The following HPSE2 variants were observed in gnomAD, a reference collection of about 807,000 sequenced individuals.
The protein encoded by HPSE2 is heparanase 2 (inactive).
A neutral mutation model predicts 60.5 loss-of-function variants in HPSE2; 38 were observed. That is an observed-to-expected ratio of 0.63 (90% confidence interval 0.48 to 0.82). The LOEUF is 0.82. Ranked by LOEUF, HPSE2 falls within the 40% of genes least tolerant of loss-of-function variation. HPSE2 has a pLI of 0.00. For synonymous variants in HPSE2, 295 were observed against 293.2 expected, an observed-to-expected ratio of 1.01 and a Z score of -0.06; for missense variants, 713 against 740.4, an observed-to-expected ratio of 0.96 and a Z score of 0.43.
At chr10:99,253,983 GC>G in the HPSE2 span, among the ~76,000 whole-genome samples, 1 of 152,164 alleles carries the variant, frequency 6.6e-6, no homozygotes. Context: ...ATGTAAATTA[GC>G]TCAGCCACTA....
intron 2 of HPSE2, among the ~76,000 whole-genome samples, chr10:99,226,425 T>C (rs1464087014): frequency 6.6e-6 from 1 of 152,076 alleles, no homozygotes; most frequent in Non-Finnish European, 1.5e-5. Context: ...AGAATACAAG[T>C]CAGGTATCTT....
At chr10:98,893,275 C>A (rs558212033) in intron 3 of HPSE2, among the ~76,000 whole-genome samples, 48 of 152,206 alleles carry the variant, frequency 3.2e-4, no homozygotes, top group African/African-American at 1.0e-3. Flanking sequence ...CCATGTTGGT[C>A]AGGCTGGTCT....
intron 5 of HPSE2, among the ~76,000 whole-genome samples, chr10:98,699,843 C>T (rs1169012386): frequency 4.4e-5 from 5 of 113,524 alleles, no homozygotes; most frequent in African/African-American, 1.1e-4. Context: ...TCTTATACAC[C>T]AATAACAGAC....
At chr10:99,120,822 G>A (rs752497997) in intron 3 of HPSE2, among the ~76,000 whole-genome samples, 34 of 152,126 alleles carry the variant, frequency 2.2e-4, no homozygotes, top group Admixed American at 3.9e-4. Flanking sequence ...TGCTGGCAAG[G>A]ATGCAGAGAA....
intron 3 of HPSE2, among the ~76,000 whole-genome samples, chr10:98,915,439 G>A (rs541868263): frequency 2.6e-5 from 4 of 151,938 alleles, no homozygotes; most frequent in Non-Finnish European, 4.4e-5. Flanking sequence ...GAGCCACCGC[G>A]CCCAGCCCAA....
chr10:98,602,118 G>T (rs2485025), intron 9 of HPSE2, among the ~76,000 whole-genome samples: 1 of 152,014 alleles, frequency 6.6e-6, no homozygotes, highest in Admixed American at 6.5e-5. Context: ...AGGAGTAAGG[G>T]TTCCCCAGTG....
intron 3 of HPSE2, chr10:99,047,933 G>A (rs895685074): frequency 1.6e-5 from 12 of 751,932 alleles, no homozygotes; most frequent in Non-Finnish European, 1.9e-5. Flanking sequence ...CAGAGGTATC[G>A]ATGGTGTTAG....
chr10:98,758,591 A>G (rs1245514490), intron 3 of HPSE2, among the ~76,000 whole-genome samples: 4 of 152,222 alleles, frequency 2.6e-5, no homozygotes, highest in African/African-American at 9.6e-5. Context: ...AATGCTCAAC[A>G]CATTGCTAAT....
the HPSE2 span, among the ~76,000 whole-genome samples, chr10:99,272,961 T>A: frequency 6.6e-6 from 1 of 152,170 alleles, no homozygotes; most frequent in Non-Finnish European, 1.5e-5. Flanking sequence ...AAAAGATACT[T>A]GTACATGCAT....
chr10:98,868,153 T>C (rs1173934445), intron 3 of HPSE2, among the ~76,000 whole-genome samples: 4 of 151,702 alleles, frequency 2.6e-5, no homozygotes, highest in Non-Finnish European at 5.9e-5. Flanking sequence ...AATGAAGTAC[T>C]ATTCAGCTAT....
At chr10:98,915,724 GTGTGAA>G (rs752099125) in intron 3 of HPSE2, among the ~76,000 whole-genome samples, 8 of 152,146 alleles carry the variant, frequency 5.3e-5, no homozygotes, top group Non-Finnish European at 8.8e-5. Context: ...TCCATGAAAA[GTGTGAA>G]TGAGAAGAAA....
intron 3 of HPSE2, among the ~76,000 whole-genome samples, chr10:98,906,012 GAA>G (rs1953806010): frequency 6.6e-6 from 1 of 152,114 alleles, no homozygotes; most frequent in South Asian, 2.1e-4. Context: ...GTCCTTAGCT[GAA>G]AAGAGTCATC....
intron 3 of HPSE2, among the ~76,000 whole-genome samples, chr10:99,136,693 C>T (rs1346912853): frequency 6.6e-6 from 1 of 152,162 alleles, no homozygotes; most frequent in African/African-American, 2.4e-5. Flanking sequence ...TTCAACACCC[C>T]TTCATGCTAA....
In HPSE2 at chr10:98,501,655, A is replaced by G. The variant is rs753259410; in HGVS notation, c.1321-11459T>C. Among the ~76,000 whole-genome samples, 41 of 152,184 alleles carry G rather than the reference A, an allele frequency of 2.7e-4. 1 individual carries two copies. The highest frequency in any genetic ancestry group is 3.4e-3 in the Middle Eastern group (1 of 294). On this transcript the variant is annotated intron_variant, in intron 9 of 11. Transcript: ENST00000370552. Reference sequence around the variant, plus strand: ...GAACTGGAACAAGACAAAGATGCCCACTCTCCTCACTCCTCTTCAACATAG... The same window carrying G: ...GAACTGGAACAAGACAAAGATGCCCGCTCTCCTCACTCCTCTTCAACATAG...
At chr10:98,909,340 T>C (rs1953915307) in intron 3 of HPSE2, among the ~76,000 whole-genome samples, 1 of 152,066 alleles carries the variant, frequency 6.6e-6, no homozygotes. Context: ...AAAAGTTTTT[T>C]TTTTTTTTGG....
intron 11 of HPSE2, among the ~76,000 whole-genome samples, chr10:98,467,246 G>C (rs1259033698): frequency 6.6e-6 from 1 of 152,140 alleles, no homozygotes; most frequent in Non-Finnish European, 1.5e-5. Flanking sequence ...CCACTAGATT[G>C]GAAGCCCATG....
At chr10:98,616,766 T>C (rs1945922597) in intron 8 of HPSE2, among the ~76,000 whole-genome samples, 1 of 152,166 alleles carries the variant, frequency 6.6e-6, no homozygotes, top group Non-Finnish European at 1.5e-5. Flanking sequence ...GTTCTTCAAA[T>C]TGGAACATTG....
intron 3 of HPSE2, among the ~76,000 whole-genome samples, chr10:98,998,072 C>T (rs948256519): frequency 1.3e-4 from 20 of 152,192 alleles, no homozygotes; most frequent in Admixed American, 1.2e-3. Context: ...AACATTCCTT[C>T]CTGAAGTCTC....
chr10:98,728,720 A>G (rs367592504), intron 4 of HPSE2, among the ~76,000 whole-genome samples: 4 of 152,144 alleles, frequency 2.6e-5, no homozygotes, highest in East Asian at 1.9e-4. Flanking sequence ...AGAAAATAAC[A>G]AAACAGGGTG....
Sources: allele counts gnomAD v4.1 joint callset (sites outside exome capture counted in the v4.1 genomes callset), GRCh38; gene constraint gnomAD v4.1.1; transcripts MANE v1.5; gene names NCBI Gene and HGNC (gene_info 2026-07-23, HGNC 2026-07-21).